Variants in ADORA2B observed in about 807,000 individuals in gnomAD.
The protein encoded by ADORA2B is adenosine receptor A2b.
Under a neutral mutation model 20.8 loss-of-function variants are expected in ADORA2B, and 18 were observed. That is an observed-to-expected ratio of 0.87 (90% CI 0.60 to 1.29). The LOEUF (loss-of-function observed/expected upper bound fraction) is 1.29, where lower values mean the gene tolerates loss of function less well. Among genes scored for constraint, ADORA2B ranks in the 50% most tolerant of loss-of-function variants. ADORA2B has a pLI of 0.00. For missense variants in ADORA2B, 441 were observed against 422.7 expected (o/e 1.04, Z -0.38); for synonymous variants, 179 against 178.3 (o/e 1.00, Z -0.03).
the ADORA2B span, among the ~76,000 whole-genome samples, chr17:15,912,687 A>G: frequency 1.3e-5 from 2 of 152,330 alleles, no homozygotes; most frequent in South Asian, 4.1e-4. Context: ...TGGTTCACAC[A>G]TGCATATGCA....
At chr17:15,916,860 A>T in the ADORA2B span, among the ~76,000 whole-genome samples, 1 of 152,244 alleles carries the variant, frequency 6.6e-6, no homozygotes, top group Non-Finnish European at 1.5e-5. Context: ...AAACTGAGGC[A>T]CAGAAAGGCT....
At position 15,975,123 on chromosome 17, in the gene ADORA2B, G is replaced by A; in HGVS notation, c.780G>A (p.Gln260=). Reference sequence around the variant, plus strand: ...CTGTTAACTGTGTCACTCTTTTCCAGCCAGCTCAGGGTAAAAATAAGCCCA... The same window carrying A: ...CTGTTAACTGTGTCACTCTTTTCCAACCAGCTCAGGGTAAAAATAAGCCCA... ...VHAVNCVTLF[Q]PAQGKNKPKW... The change falls in exon 2 of 2, where the codon CAG becomes CAA. Residue 260 remains glutamine (Q), a synonymous_variant. Coordinates refer to ENST00000304222, the MANE Select transcript of ADORA2B (RefSeq NM_000676.4). 1 of 1,614,160 alleles carries A rather than the reference G, an allele frequency of 6.2e-7. No individual in the cohort carries two copies. Among genetic ancestry groups the A allele is most frequent in the Non-Finnish European group, 8.5e-7 (1 of 1,180,038 alleles).
chr17:15,882,262 G>C, the ADORA2B span, among the ~76,000 whole-genome samples: 2 of 152,120 alleles, frequency 1.3e-5, no homozygotes, highest in Non-Finnish European at 2.9e-5. Context: ...GGTGGTGGCC[G>C]GTGGCTGAGA....
the ADORA2B span, among the ~76,000 whole-genome samples, chr17:15,889,351 A>G: frequency 1.5e-5 from 2 of 129,850 alleles, no homozygotes; most frequent in Non-Finnish European, 3.2e-5. Context: ...TACTAAATCT[A>G]TTAATTTGCT....
At chr17:15,883,985 G>C in the ADORA2B span, among the ~76,000 whole-genome samples, 1 of 152,192 alleles carries the variant, frequency 6.6e-6, no homozygotes, top group South Asian at 2.1e-4. Flanking sequence ...AATCCCATGA[G>C]TCAGGCATTT....
rs764503783 is a variant in ADORA2B, at chr17:15,975,323, C to A, written c.980C>A (p.Ala327Asp). 1 of 1,611,850 alleles carries A rather than the reference C, an allele frequency of 6.2e-7. No individual in the cohort carries two copies. Among genetic ancestry groups the A allele is most frequent in the Non-Finnish European group, 8.5e-7 (1 of 1,179,680 alleles). Residue 327 changes from alanine (A) to aspartate (D), a missense_variant, in exon 2 of 2, where the codon GCT becomes GAT. Transcript: ENST00000304222. ...SGNGQAGVQP[A>D]LGVGL ...AATGGTCAGGCTGGGGTACAGCCTGCTCTCGGTGTGGGCCTATGATCTAGG... is the reference window on the plus strand; with the variant it reads ...AATGGTCAGGCTGGGGTACAGCCTGATCTCGGTGTGGGCCTATGATCTAGG...
At chr17:15,861,372 G>C in the ADORA2B span, among the ~76,000 whole-genome samples, 1 of 152,164 alleles carries the variant, frequency 6.6e-6, no homozygotes, top group Non-Finnish European at 1.5e-5. Context: ...TAGGCTCTCT[G>C]TCAGTATTTG....
chr17:15,866,796 C>A, the ADORA2B span, among the ~76,000 whole-genome samples: 4 of 147,790 alleles, frequency 2.7e-5, no homozygotes, highest in East Asian at 7.8e-4. Context: ...CAAAGCTGGA[C>A]CCTCTGCCTC....
At chr17:15,959,235 C>G (rs926486242) in intron 1 of ADORA2B, among the ~76,000 whole-genome samples, 2 of 152,098 alleles carry the variant, frequency 1.3e-5, no homozygotes, top group African/African-American at 2.4e-5. Context: ...ATTTAGCAAC[C>G]TAGTCTTTTA....
chr17:15,945,591 G>T lies in ADORA2B; in HGVS notation c.335+8G>T, dbSNP rs766900823. The T allele has an allele frequency of 1.1e-5, 16 of 1,467,992 alleles. No individual in the cohort carries two copies. The highest frequency in any genetic ancestry group is 1.4e-5 in the Non-Finnish European group (16 of 1,113,162). The allele number at this position is 1,467,992 out of a possible 1,614,324, so 90.9% of individuals were successfully genotyped here. A position where few individuals can be genotyped will look rare whatever the true frequency, so the allele number is the denominator to read the frequency against. On this transcript the variant is annotated splice_region_variant and intron_variant, in intron 1 of 1. Transcript: ENST00000304222. ...CATCTGTGTCCCGCTCAGGTGAGGCGCTCGGCGTCGCCCGAACTCGGGGCC... is the reference window on the plus strand; with the variant it reads ...CATCTGTGTCCCGCTCAGGTGAGGCTCTCGGCGTCGCCCGAACTCGGGGCC...
chr17:15,853,897 T>C, the ADORA2B span, among the ~76,000 whole-genome samples: 9 of 143,124 alleles, frequency 6.3e-5, no homozygotes, highest in Non-Finnish European at 1.3e-4. Context: ...TGAACCTCCA[T>C]GCAAAAATCC....
At chr17:15,868,539 G>A in the ADORA2B span, among the ~76,000 whole-genome samples, 3 of 137,370 alleles carry the variant, frequency 2.2e-5, no homozygotes, top group Admixed American at 7.4e-5. Flanking sequence ...TTGGGAGGCC[G>A]AGGCGGGCGG....
At chr17:15,851,478 C>T in the ADORA2B span, among the ~76,000 whole-genome samples, 1 of 151,894 alleles carries the variant, frequency 6.6e-6, no homozygotes, top group East Asian at 1.9e-4. Context: ...CTGTGCCTGC[C>T]TCATACTGCC....
At chr17:15,891,813 C>G in the ADORA2B span, among the ~76,000 whole-genome samples, 1 of 147,660 alleles carries the variant, frequency 6.8e-6, no homozygotes, top group Admixed American at 6.8e-5. Context: ...TCCTGAGTAG[C>G]TGGGATTACA....
At chr17:15,877,389 C>A in the ADORA2B span, among the ~76,000 whole-genome samples, 1 of 152,146 alleles carries the variant, frequency 6.6e-6, no homozygotes, top group African/African-American at 2.4e-5. Context: ...CCTGTGTATG[C>A]GGCCTGCAAC....
upstream of ADORA2B, among the ~76,000 whole-genome samples, chr17:15,942,428 A>G (rs1342605796): frequency 2.0e-5 from 3 of 152,132 alleles, no homozygotes; most frequent in Non-Finnish European, 4.4e-5. Context: ...ACTATGGTTT[A>G]CAGGCTGCAG....
At chr17:15,969,500 A>G (rs1970162126) in intron 1 of ADORA2B, among the ~76,000 whole-genome samples, 1 of 152,006 alleles carries the variant, frequency 6.6e-6, no homozygotes, top group African/African-American at 2.4e-5. Flanking sequence ...TTTTTCCTGC[A>G]TCTTCTCTAC....
the ADORA2B span, among the ~76,000 whole-genome samples, chr17:15,915,754 CT>C: frequency 7.0e-6 from 1 of 142,986 alleles, no homozygotes; most frequent in Non-Finnish European, 1.6e-5. Flanking sequence ...TTAAATATTC[CT>C]CTACCTTTTG....
chr17:15,851,413 G>C, the ADORA2B span, among the ~76,000 whole-genome samples: 31,412 of 150,176 alleles, frequency 0.21, 3,856 homozygotes, highest in Non-Finnish European at 0.28. Context: ...CAAGATCTAG[G>C]ATCAGCCTTG....
Sources: allele counts gnomAD v4.1 joint callset (sites outside exome capture counted in the v4.1 genomes callset), GRCh38; gene constraint gnomAD v4.1.1; transcripts MANE v1.5; gene names NCBI Gene and HGNC (gene_info 2026-07-23, HGNC 2026-07-21).